Variants in SPIRE1 observed in about 807,000 individuals in gnomAD.
SPIRE1 encodes spire type actin nucleation factor 1, also known as protein spire homolog 1.
SPIRE1 carries 40 observed loss-of-function variants against 94.1 expected under a neutral mutation model. The observed-to-expected ratio is 0.43, with a 90% confidence interval of 0.33 to 0.55. The LOEUF (loss-of-function observed/expected upper bound fraction) is 0.55, where lower values mean the gene tolerates loss of function less well. Among genes scored for constraint, SPIRE1 ranks in the 20% least tolerant of loss-of-function variants. The probability of loss-of-function intolerance (pLI) is 0.06; values close to 1 mark genes in which losing one functional copy is unlikely to be tolerated. For synonymous variants in SPIRE1, 376 were observed against 371.7 expected, an observed-to-expected ratio of 1.01 and a Z score of -0.13; for missense variants, 838 against 975.2, an observed-to-expected ratio of 0.86 and a Z score of 1.87.
chr18:12,565,659 C>T (rs2035798627), intron 2 of SPIRE1, among the ~76,000 whole-genome samples: 1 of 151,548 alleles, frequency 6.6e-6, no homozygotes, highest in Admixed American at 6.6e-5. Flanking sequence ...CAGGTGTGAG[C>T]CACTGCGCCC....
intron 4 of SPIRE1, among the ~76,000 whole-genome samples, chr18:12,528,716 G>A (rs933216998): frequency 2.0e-5 from 3 of 152,152 alleles, no homozygotes; most frequent in Admixed American, 2.0e-4. Context: ...TCATGGTCCA[G>A]GCAAGAGATG....
chr18:12,477,057 C>G (rs1352897310), intron 10 of SPIRE1, among the ~76,000 whole-genome samples: 1 of 152,018 alleles, frequency 6.6e-6, no homozygotes, highest in Non-Finnish European at 1.5e-5. Flanking sequence ...AGCAAATCAT[C>G]TCAAGATTTG....
chr18:12,495,696 G>A lies in SPIRE1; in HGVS notation c.1059+320C>T, dbSNP rs575584212. Among the ~76,000 whole-genome samples the A allele has an allele frequency of 3.9e-5, 6 of 152,130 alleles. No individual in the cohort carries two copies. In the East Asian group the frequency reaches 9.7e-4, roughly 25 times the overall value. ...TTGAGGCCAGGAGTTTGAGACCAGC[G>A]TGGGCAACATGGCAAAACCACATCT... On this transcript the variant is annotated intron_variant, in intron 7 of 16. Transcript: ENST00000409402.
At chr18:12,502,358 A>C (rs1484260166) in intron 6 of SPIRE1, among the ~76,000 whole-genome samples, 1 of 152,248 alleles carries the variant, frequency 6.6e-6, no homozygotes, top group African/African-American at 2.4e-5. Context: ...TTATCTACTA[A>C]GACTTATTTT....
Position 12,559,267 on chromosome 18 carries a change from A to C in SPIRE1, c.373-12363T>G, listed in dbSNP as rs1004714177. 6.6e-6 allele frequency among the ~76,000 whole-genome samples: 1 copy of C among 152,076 alleles called. No homozygotes were observed. Among genetic ancestry groups the C allele is most frequent in the South Asian group, 2.1e-4 (1 of 4,824 alleles). ...GCAGCTGAGGCCTAGTGAGAATTCGAGCACAGTGCAGGCGGGCCAGCAGTG... is the reference window on the plus strand; with the variant it reads ...GCAGCTGAGGCCTAGTGAGAATTCGCGCACAGTGCAGGCGGGCCAGCAGTG... On this transcript the variant is annotated intron_variant, in intron 2 of 16. Transcript: ENST00000409402. This position sits in a 1 kb window ranked among gnomAD's most constrained non-coding sequence, Gnocchi z 4.7.
At chr18:12,616,807 TTTA>T (rs1362405254) in intron 2 of SPIRE1, among the ~76,000 whole-genome samples, 1 of 152,218 alleles carries the variant, frequency 6.6e-6, no homozygotes, top group East Asian at 1.9e-4. Flanking sequence ...TGTGCTACGT[TTTA>T]TTAAGATTAC....
intron 6 of SPIRE1, among the ~76,000 whole-genome samples, chr18:12,504,245 G>A (rs550730): frequency 0.2 from 29,631 of 146,838 alleles, 7,218 homozygotes; most frequent in African/African-American, 0.48. Flanking sequence ...GGTGGCTCAC[G>A]CCTGTAATCC....
chr18:12,583,705 G>A (rs991859584), intron 2 of SPIRE1, among the ~76,000 whole-genome samples: 5 of 151,948 alleles, frequency 3.3e-5, no homozygotes, highest in Admixed American at 3.3e-4. Flanking sequence ...TGAGCAGACT[G>A]CTTGAGCCCA....
intron 2 of SPIRE1, among the ~76,000 whole-genome samples, chr18:12,579,456 G>C (rs1235975577): frequency 6.6e-6 from 1 of 152,156 alleles, no homozygotes; most frequent in Non-Finnish European, 1.5e-5. Flanking sequence ...GAAGCAGAAA[G>C]TAGATTTAAG....
chr18:12,503,573 G>A (rs1013551624), intron 6 of SPIRE1, among the ~76,000 whole-genome samples: 10 of 152,162 alleles, frequency 6.6e-5, no homozygotes, highest in South Asian at 2.1e-4. Context: ...TCATGTGTCA[G>A]ATCCCATTGC....
chr18:12,605,163 T>C (rs1049359984), intron 2 of SPIRE1, among the ~76,000 whole-genome samples: 9 of 152,198 alleles, frequency 5.9e-5, no homozygotes, highest in African/African-American at 2.2e-4. Context: ...TTCACAACAA[T>C]ATATTTAACA....
At chr18:12,605,278 G>A (rs1366494447) in intron 2 of SPIRE1, among the ~76,000 whole-genome samples, 1 of 150,126 alleles carries the variant, frequency 6.7e-6, no homozygotes, top group African/African-American at 2.4e-5. Context: ...CAGCACTTTG[G>A]GAGGCCGAGG....
In SPIRE1 at chr18:12,622,421, C is replaced by CTTTTTT. The variant is rs71371281; in HGVS notation, c.372+12635_372+12640dup. On this transcript the variant is annotated intron_variant, in intron 2 of 16. Coordinates refer to ENST00000409402, the MANE Select transcript of SPIRE1 (RefSeq NM_001128626.2). The stretch of plus-strand genomic sequence containing the variant: ...AAGGGAAAACGGAGCTATGTCCAGT[C>CTTTTTT]TTTTTTTTTTTTTTTTTTTGAGACA... Among the ~76,000 whole-genome samples, 1,135 of 114,790 alleles carry CTTTTTT rather than the reference C, an allele frequency of 9.9e-3. 53 individuals are homozygous for CTTTTTT. The highest frequency in any genetic ancestry group is 0.034 in the South Asian group (101 of 2,998). 75.3% of individuals were successfully genotyped at this position (114,790 alleles called of 152,430 possible). A position where few individuals can be genotyped will look rare whatever the true frequency, so the allele number is the denominator to read the frequency against.
intron 1 of SPIRE1, among the ~76,000 whole-genome samples, chr18:12,640,557 C>T (rs1249695598): frequency 3.9e-5 from 6 of 152,086 alleles, no homozygotes; most frequent in African/African-American, 1.4e-4. Context: ...AACACAGCCC[C>T]AAAAAAGTAA....
intron 1 of SPIRE1, among the ~76,000 whole-genome samples, chr18:12,637,955 GTCAT>G (rs1411355547): frequency 6.6e-6 from 1 of 152,142 alleles, no homozygotes; most frequent in Admixed American, 6.5e-5. Flanking sequence ...ACAGCTCTTG[GTCAT>G]TCAATTTGAA....
upstream of SPIRE1, chr18:12,658,275 C>CA (rs772686084): frequency 1.1e-5 from 5 of 454,360 alleles, no homozygotes; most frequent in South Asian, 7.9e-5. Flanking sequence ...GCAGGGCTCT[C>CA]AGAGTCGCAG....
At chr18:12,563,792 A>T (rs1447071141) in intron 2 of SPIRE1, among the ~76,000 whole-genome samples, 2 of 152,216 alleles carry the variant, frequency 1.3e-5, no homozygotes, top group African/African-American at 4.8e-5. Context: ...AAAATTATTT[A>T]AAAACTTTAG....
chr18:12,658,657 C>T (rs936860372), upstream of SPIRE1: 4 of 465,922 alleles, frequency 8.6e-6, no homozygotes, highest in African/African-American at 4.0e-5. Flanking sequence ...CTGAAGCCTC[C>T]CCGCCGGGCC....
intron 6 of SPIRE1, among the ~76,000 whole-genome samples, chr18:12,500,115 G>A (rs1418391429): frequency 1.3e-5 from 2 of 152,170 alleles, no homozygotes; most frequent in African/African-American, 4.8e-5. Flanking sequence ...GTAGACACTG[G>A]AGAACTCCAA....
Sources: gnomAD v4.1 joint callset for allele counts (sites outside exome capture counted in the v4.1 genomes callset) on GRCh38, gnomAD v4.1.1 for gene constraint, Gnocchi (gnomAD v3.1) non-coding constraint, MANE v1.5 for transcripts, NCBI Gene and HGNC (gene_info 2026-07-23, HGNC 2026-07-21) for gene names.